Variants in MEIOC observed in about 807,000 individuals in gnomAD.
MEIOC encodes meiosis specific with coiled-coil domain.
MEIOC carries 9 observed loss-of-function variants against 85.3 expected under a neutral mutation model. That is an observed-to-expected ratio of 0.11 (90% CI 0.06 to 0.18). The LOEUF (loss-of-function observed/expected upper bound fraction) is 0.18. Among genes scored for constraint, MEIOC ranks in the 10% least tolerant of loss-of-function variants. The probability of loss-of-function intolerance (pLI) is 1.00; values close to 1 mark genes in which losing one functional copy is unlikely to be tolerated. For missense variants in MEIOC, 898 were observed against 1,129.4 expected, an observed-to-expected ratio of 0.80 and a Z score of 2.94; for synonymous variants, 365 against 393.7, an observed-to-expected ratio of 0.93 and a Z score of 0.86.
Position 44,657,189 on chromosome 17 carries a change from C to T in MEIOC, c.132C>T (p.Ser44=), listed in dbSNP as rs1455092720. The change falls in exon 2 of 8, where the codon AGC becomes AGT. Residue 44 remains serine (S), a synonymous_variant. Coordinates refer to ENST00000409122, the MANE Select transcript of MEIOC (RefSeq NM_001145080.3). Reference sequence around the variant, plus strand: ...GGAACCTCGGCGCCGACGCCGGCAGCAGGTTAACCGACGTCTTCGGCAGCG... The same window carrying T: ...GGAACCTCGGCGCCGACGCCGGCAGTAGGTTAACCGACGTCTTCGGCAGCG... ...RCWNLGADAG[S]RLTDVFGSVM... 15 of 1,551,820 alleles carry T rather than the reference C, an allele frequency of 9.7e-6. No individual in the cohort carries two copies. The highest frequency in any genetic ancestry group is 1.1e-5 in the Non-Finnish European group (13 of 1,147,022).
chr17:44,662,822 T>TA (rs1481267978), intron 3 of MEIOC, among the ~76,000 whole-genome samples: 1 of 152,116 alleles, frequency 6.6e-6, no homozygotes, highest in Non-Finnish European at 1.5e-5. Context: ...CAGCTAACTT[T>TA]AAAAAAATTT....
At chr17:44,666,015 AAAAAACTGTGGTCAAC>A (rs1971898692) in intron 4 of MEIOC, among the ~76,000 whole-genome samples, 1 of 152,200 alleles carries the variant, frequency 6.6e-6, no homozygotes, top group African/African-American at 2.4e-5. Context: ...TTTTCATTAA[AAAAAACTGTGGTCAAC>A]AATGCTTTTA....
In MEIOC at chr17:44,674,992, T is replaced by G; in HGVS notation, c.*796T>G. On this transcript the variant is annotated 3_prime_UTR_variant, in exon 8 of 8. Coordinates refer to ENST00000409122, the MANE Select transcript of MEIOC (RefSeq NM_001145080.3). ...CTTTATCTGGATCTTTTAGACTTGATGCACAGTAACTGAAATAATGACTAC... is the reference window on the plus strand; with the variant it reads ...CTTTATCTGGATCTTTTAGACTTGAGGCACAGTAACTGAAATAATGACTAC... The G allele has an allele frequency of 2.0e-6, 2 of 983,444 alleles. No individual in the cohort carries two copies. Among genetic ancestry groups the G allele is most frequent in the South Asian group, 4.7e-5 (1 of 21,250 alleles). The allele number at this position is 983,444 out of a possible 1,614,324, so 60.9% of individuals were successfully genotyped here.
chr17:44,667,602 G>T lies in MEIOC; in HGVS notation c.1691G>T (p.Gly564Val). ...ERIQSVNHIE[G>V]LTKPGEENLF... is the part of the protein sequence containing the mutation. Reference sequence around the variant, plus strand: ...ATCCAATCTGTCAATCACATAGAAGGACTAACAAAGCCTGGAGAAGAAAAT... The same window carrying T: ...ATCCAATCTGTCAATCACATAGAAGTACTAACAAAGCCTGGAGAAGAAAAT... Residue 564 changes from glycine (G) to valine (V), a missense_variant, in exon 5 of 8, where the codon GGA becomes GTA. By Grantham distance (109) the Gly-to-Val change is moderately radical. Transcript: ENST00000409122. The T allele has an allele frequency of 6.2e-7, 1 of 1,613,532 alleles. No homozygotes were observed. The highest frequency in any genetic ancestry group is 8.5e-7 in the Non-Finnish European group (1 of 1,179,736).
At position 44,656,483 on chromosome 17, in the gene MEIOC, A is replaced by C; in HGVS notation, c.-131A>C. The C allele has an allele frequency of 1.7e-4, 101 of 577,244 alleles. No homozygotes were observed. Among genetic ancestry groups the C allele is most frequent in the East Asian group, 4.3e-4 (9 of 20,866 alleles). The allele number at this position is 577,244 out of a possible 1,614,324, so 35.8% of individuals were successfully genotyped here. A position where few individuals can be genotyped will look rare whatever the true frequency, so the allele number is the denominator to read the frequency against. ...CCTTACCCGCACACTGGCTCCAGGC[A>C]GCGCCCGGGCGGCGGAGGCGGCTGC... On this transcript the variant is annotated 5_prime_UTR_variant, in exon 1 of 8. Transcript: ENST00000409122.
At position 44,675,540 on chromosome 17, in the gene MEIOC, C is replaced by T. The variant is rs71373515; in HGVS notation, c.*1344C>T. 0.016 allele frequency: 15,605 copies of T among 980,488 alleles called. 163 individuals carry two copies. The highest frequency in any genetic ancestry group is 0.018 in the Middle Eastern group (35 of 1,904). The allele number at this position is 980,488 out of a possible 1,614,324, so 60.7% of individuals were successfully genotyped here. ...AAAAAAAAAGAGTGTAATCATACCA[C>T]ATAAATTTTCTTTAGATGATGTGCA... On this transcript the variant is annotated 3_prime_UTR_variant, in exon 8 of 8. Coordinates refer to ENST00000409122, the MANE Select transcript of MEIOC (RefSeq NM_001145080.3).
At chr17:44,670,764 C>T (rs898599112) in intron 6 of MEIOC, 3 of 124,590 alleles carry the variant, frequency 2.4e-5, no homozygotes, top group African/African-American at 7.4e-5. Flanking sequence ...GTCTCAAACT[C>T]CTGAGCTCAA....
chr17:44,675,791 T>C lies in MEIOC; in HGVS notation c.*1595T>C. 2 of 932,788 alleles carry C rather than the reference T, an allele frequency of 2.1e-6. No homozygotes were observed. The highest frequency in any genetic ancestry group is 2.6e-6 in the Non-Finnish European group (2 of 782,104). 57.8% of individuals were successfully genotyped at this position (932,788 alleles called of 1,614,324 possible). A position where few individuals can be genotyped will look rare whatever the true frequency, so the allele number is the denominator to read the frequency against. ...GTCTCAGGAAAAAAATAAATTACTT[T>C]GTTGAAAACATTTGGTTTCATTTTT... On this transcript the variant is annotated 3_prime_UTR_variant, in exon 8 of 8. Coordinates refer to ENST00000409122, the MANE Select transcript of MEIOC (RefSeq NM_001145080.3).
Position 44,667,245 on chromosome 17 carries a change from C to T in MEIOC, c.1334C>T (p.Ala445Val). ...AACGTCACAGAAAAGCAACAGTTTG[C>T]TAAACCTGATCCCCCACATTCTGAG... ...FANVTEKQQF[A>V]KPDPPHSEYF... is the part of the protein sequence containing the mutation. Residue 445 changes from alanine (A) to valine (V), a missense_variant, in exon 5 of 8, where the codon GCT (alanine) becomes GTT (valine). Around this residue, in one of 2 missense-constraint regions of MEIOC, gnomAD observed 734 missense variants for 860.1 expected, o/e 0.85. Transcript: ENST00000409122. 2 of 1,613,812 alleles carry T rather than the reference C, an allele frequency of 1.2e-6. No homozygotes were observed. Among genetic ancestry groups the T allele is most frequent in the Non-Finnish European group, 1.7e-6 (2 of 1,179,872 alleles).
chr17:44,662,729 A>G (rs1971857659), intron 3 of MEIOC, among the ~76,000 whole-genome samples: 2 of 152,150 alleles, frequency 1.3e-5, no homozygotes, highest in Non-Finnish European at 2.9e-5. Flanking sequence ...ATGGCTCACT[A>G]CAACTTTGAA....
At position 44,657,280 on chromosome 17, in the gene MEIOC, C is replaced by A; in HGVS notation, c.204+19C>A. The A allele has an allele frequency of 6.5e-7, 1 of 1,547,636 alleles. No individual in the cohort carries two copies. Among genetic ancestry groups the A allele is most frequent in the Non-Finnish European group, 8.7e-7 (1 of 1,143,632 alleles). ...ATCGCAGGTCCTTTAGTAAACTCTG[C>A]CTCTGTTAGACGATTTATTCTCAAA... On this transcript the variant is annotated intron_variant, in intron 2 of 7. Transcript: ENST00000409122.
intron 5 of MEIOC, among the ~76,000 whole-genome samples, chr17:44,668,932 G>A (rs1332046751): frequency 2.0e-5 from 3 of 152,122 alleles, no homozygotes; most frequent in Non-Finnish European, 2.9e-5. Context: ...AGCTGGGCGC[G>A]GTGGCTCACG....
At chr17:44,664,962 A>G (rs1971886012) in intron 3 of MEIOC, 1 of 163,138 alleles carries the variant, frequency 6.1e-6, no homozygotes, top group Non-Finnish European at 1.3e-5. Context: ...TCAGGTTCAT[A>G]TGGTTTTCAA....
intron 6 of MEIOC, among the ~76,000 whole-genome samples, chr17:44,672,180 C>G (rs1972022656): frequency 6.6e-6 from 1 of 152,082 alleles, no homozygotes; most frequent in African/African-American, 2.4e-5. Flanking sequence ...CAGGGTTTCA[C>G]CATGTTGGTC....
chr17:44,661,958 A>G (rs888514370), intron 2 of MEIOC, among the ~76,000 whole-genome samples: 1 of 152,342 alleles, frequency 6.6e-6, no homozygotes, highest in Admixed American at 6.5e-5. Context: ...ATTTTATACC[A>G]CAGACCAGCA....
At chr17:44,669,846 C>G in intron 6 of MEIOC, 1 of 213,870 alleles carries the variant, frequency 4.7e-6, no homozygotes, top group Non-Finnish European at 9.4e-6. Context: ...AGTGACAGAG[C>G]GAGACTCTAT....
At chr17:44,664,017 A>G (rs539623754) in intron 3 of MEIOC, among the ~76,000 whole-genome samples, 127 of 152,330 alleles carry the variant, frequency 8.3e-4, no homozygotes, top group African/African-American at 2.9e-3. Context: ...TATTTCAAAA[A>G]TATCCCAACA....
chr17:44,666,701 C>T lies in MEIOC; in HGVS notation c.790C>T (p.Pro264Ser). The change falls in exon 5 of 8, where the codon CCA becomes TCA. Residue 264 changes from proline to serine, a missense_variant. Coordinates refer to ENST00000409122, the MANE Select transcript of MEIOC (RefSeq NM_001145080.3). ...AGCTAAGACAACATTCCAAGAATAT[C>T]CACTTATCAAAAACTGTTTTACACC... ...DTAKTTFQEYPLIKNCFTPQT... is the reference protein window; with the variant it reads ...DTAKTTFQEYSLIKNCFTPQT... 6.2e-7 allele frequency: 1 copy of T among 1,612,718 alleles called. No individual in the cohort carries two copies. The highest frequency in any genetic ancestry group is 8.5e-7 in the Non-Finnish European group (1 of 1,179,276).
chr17:44,661,694 G>A (rs546649874), intron 2 of MEIOC, among the ~76,000 whole-genome samples: 90 of 152,030 alleles, frequency 5.9e-4, no homozygotes, highest in African/African-American at 2.0e-3. Context: ...TGGGACTACA[G>A]GCGCCCATCA....
Sources: allele counts gnomAD v4.1 joint callset (sites outside exome capture counted in the v4.1 genomes callset), GRCh38; gene constraint gnomAD v4.1.1; regional missense constraint gnomAD v4.1.1; transcripts MANE v1.5; gene names NCBI Gene and HGNC (gene_info 2026-07-23, HGNC 2026-07-21).